The following LNX1 variants were observed in gnomAD, a reference collection of about 807,000 sequenced individuals.
LNX1 encodes E3 ubiquitin-protein ligase LNX.
Under a neutral mutation model 68.4 loss-of-function variants are expected in LNX1, and 54 were observed. The observed-to-expected ratio is 0.79, with a 90% confidence interval of 0.63 to 0.99. LNX1 has a LOEUF of 0.99. LNX1 is among the 50% of genes least tolerant of loss of function. The probability of loss-of-function intolerance (pLI) is 0.00; values close to 1 mark genes in which losing one functional copy is unlikely to be tolerated. For synonymous variants in LNX1, 336 were observed against 350.0 expected (o/e 0.96, Z 0.45); for missense variants, 906 against 926.4 (o/e 0.98, Z 0.29).
intron 1 of LNX1, among the ~76,000 whole-genome samples, chr4:53,641,490 A>G (rs1734680213): frequency 6.6e-6 from 1 of 152,234 alleles, no homozygotes; most frequent in South Asian, 2.1e-4. Context: ...AGAGAAATGG[A>G]CAAAATACCC....
intron 2 of LNX1, among the ~76,000 whole-genome samples, chr4:53,561,983 C>A (rs1250797465): frequency 6.6e-6 from 1 of 152,076 alleles, no homozygotes; most frequent in African/African-American, 2.4e-5. Context: ...TCCTATGAAA[C>A]AATTCACGTA....
intron 9 of LNX1, among the ~76,000 whole-genome samples, chr4:53,475,505 A>C (rs1327270084): frequency 6.6e-6 from 1 of 152,108 alleles, no homozygotes; most frequent in Non-Finnish European, 1.5e-5. Flanking sequence ...TTCTTAAAAA[A>C]CTCATTTGAA....
chr4:53,594,779 A>G (rs976008192), upstream of LNX1, among the ~76,000 whole-genome samples: 1 of 151,612 alleles, frequency 6.6e-6, no homozygotes, highest in Non-Finnish European at 1.5e-5. Context: ...TGGTGCCATC[A>G]TGGCTCACTG....
At chr4:53,493,852 A>C (rs1473196296) in intron 6 of LNX1, among the ~76,000 whole-genome samples, 11 of 152,138 alleles carry the variant, frequency 7.2e-5, no homozygotes, top group Admixed American at 5.9e-4. Flanking sequence ...TCAGCTCTCC[A>C]CTGACTTGAG....
intron 2 of LNX1, among the ~76,000 whole-genome samples, chr4:53,554,287 G>A (rs963585421): frequency 7.2e-5 from 11 of 152,124 alleles, no homozygotes; most frequent in African/African-American, 2.7e-4. Flanking sequence ...GCCAGTTCTG[G>A]GTCTGCTCTT....
Position 53,496,312 on chromosome 4 carries a change from G to A in LNX1, c.1061C>T (p.Thr354Ile), listed in dbSNP as rs1256649866. ...GCGGAACTTCTGTTCACGCATCACA[G>A]TCAGCCACAGCACCTGGCAGGGCTG... ...LRQPCQVLWL[T>I]VMREQKFRSR... The change falls in exon 6 of 11, where the codon ACT (threonine) becomes ATT (isoleucine). Residue 354 changes from threonine to isoleucine, a missense_variant. Physicochemically the swap from Thr to Ile is moderately conservative, Grantham distance 89. Coordinates refer to ENST00000263925, the MANE Select transcript of LNX1 (RefSeq NM_001126328.3). 6.2e-7 allele frequency: 1 copy of A among 1,614,066 alleles called. No homozygotes were observed. Among genetic ancestry groups the A allele is most frequent in the East Asian group, 2.2e-5 (1 of 44,892 alleles).
intron 6 of LNX1, among the ~76,000 whole-genome samples, chr4:53,492,951 T>C (rs1724803352): frequency 6.6e-6 from 1 of 152,090 alleles, no homozygotes; most frequent in South Asian, 2.1e-4. Flanking sequence ...ATAGATGGCA[T>C]ACACCTCAGA....
intron 1 of LNX1, among the ~76,000 whole-genome samples, chr4:53,623,669 T>C (rs971730871): frequency 5.9e-5 from 9 of 152,146 alleles, no homozygotes; most frequent in South Asian, 2.1e-4. Flanking sequence ...TGAAGTTATA[T>C]GGCTATGTTT....
At chr4:53,618,150 C>T (rs1733747031), upstream of LNX1, among the ~76,000 whole-genome samples, 1 of 152,122 alleles carries the variant, frequency 6.6e-6, no homozygotes, top group African/African-American at 2.4e-5. Context: ...AACTACTTTG[C>T]CTACCAAATA....
At chr4:53,588,609 C>T (rs551791511) in intron 1 of LNX1, among the ~76,000 whole-genome samples, 11 of 152,286 alleles carry the variant, frequency 7.2e-5, no homozygotes, top group African/African-American at 2.4e-4. Flanking sequence ...GACCTACCCA[C>T]CTGGACATGC....
chr4:53,463,169 A>G (rs1182338536), intron 9 of LNX1, among the ~76,000 whole-genome samples: 4 of 152,078 alleles, frequency 2.6e-5, no homozygotes, highest in African/African-American at 9.7e-5. Flanking sequence ...CATAACCATC[A>G]AAAATATTAC....
intron 2 of LNX1, among the ~76,000 whole-genome samples, chr4:53,560,301 A>C (rs1730195649): frequency 6.6e-6 from 1 of 152,230 alleles, no homozygotes; most frequent in African/African-American, 2.4e-5. Context: ...AAAAAGGATG[A>C]CTGCCCATTC....
rs59260730 is a variant in LNX1, at chr4:53,506,856, T to TAAAAAAAAAAAAAAAAAAAAAAAAAAAAA, written c.775+460_775+461insTTTTTTTTTTTTTTTTTTTTTTTTTTTTT. 2.6e-4 allele frequency among the ~76,000 whole-genome samples: 14 copies of TAAAAAAAAAAAAAAAAAAAAAAAAAAAAA among 54,204 alleles called. 1 individual carries two copies. The highest frequency in any genetic ancestry group is 4.2e-4 in the East Asian group (1 of 2,376). The allele number at this position is 54,204 out of a possible 152,430, so 35.6% of individuals were successfully genotyped here. On this transcript the variant is annotated intron_variant, in intron 4 of 10. Coordinates refer to ENST00000263925, the MANE Select transcript of LNX1 (RefSeq NM_001126328.3). The stretch of plus-strand genomic sequence containing the variant: ...CCTGGGCGACAAGCAAAACTCTGTC[T>TAAAAAAAAAAAAAAAAAAAAAAAAAAAAA]AAAAAAAAAAAAAAAAAAAGAGGAA...
upstream of LNX1, among the ~76,000 whole-genome samples, chr4:53,592,107 T>G (rs1211614058): frequency 6.6e-6 from 1 of 152,162 alleles, no homozygotes; most frequent in Non-Finnish European, 1.5e-5. Context: ...CCAGCATTTT[T>G]AATTCCATAT....
intron 2 of LNX1, among the ~76,000 whole-genome samples, chr4:53,546,661 C>T (rs1045258814): frequency 4.6e-5 from 7 of 152,130 alleles, no homozygotes; most frequent in African/African-American, 1.7e-4. Flanking sequence ...AGCTCTCCTT[C>T]GGCTCTCAAA....
rs1392166171 is a variant in LNX1, at chr4:53,478,634, C to A, written c.1594G>T (p.Asp532Tyr). Residue 532 changes from aspartate to tyrosine, a missense_variant, in exon 8 of 11, where the codon GAT (aspartate) becomes TAT (tyrosine). By Grantham distance (160) the Asp-to-Tyr change is radical. Coordinates refer to ENST00000263925, the MANE Select transcript of LNX1 (RefSeq NM_001126328.3). ...VAGGASHREW[D>Y]LPIYVISVEP... ...ACACTGATGACATAGATAGGCAAAT[C>A]CCATTCTCTATGTGATGCTCCCCCT... 1 of 1,613,950 alleles carries A rather than the reference C, an allele frequency of 6.2e-7. No homozygotes were observed. Among genetic ancestry groups the A allele is most frequent in the East Asian group, 2.2e-5 (1 of 44,890 alleles).
At chr4:53,532,295 G>A (rs1480161349) in intron 2 of LNX1, among the ~76,000 whole-genome samples, 1 of 152,078 alleles carries the variant, frequency 6.6e-6, no homozygotes, top group African/African-American at 2.4e-5. Flanking sequence ...GGTCAACATG[G>A]TGAAACCCCA....
rs1730665730 is a variant in LNX1 at position 53,566,084 on chromosome 4, A to T, written c.380+7539T>A. Among the ~76,000 whole-genome samples, 3 of 151,798 alleles carry T rather than the reference A, an allele frequency of 2.0e-5. 1 individual carries two copies. The South Asian group carries it at 6.2e-4, about 32-fold the overall frequency. On this transcript the variant is annotated intron_variant, in intron 2 of 10. Coordinates refer to ENST00000263925, the MANE Select transcript of LNX1 (RefSeq NM_001126328.3). Reference sequence around the variant, plus strand: ...GTTGGAAAACACTCTGCAGGATATTATCCAGGAGAACTTCCCCAATCTAGC... The same window carrying T: ...GTTGGAAAACACTCTGCAGGATATTTTCCAGGAGAACTTCCCCAATCTAGC...
intron 2 of LNX1, among the ~76,000 whole-genome samples, chr4:53,534,844 C>G (rs540922165): frequency 5.9e-5 from 9 of 152,338 alleles, no homozygotes; most frequent in Admixed American, 5.2e-4. Context: ...ACTGCTATGT[C>G]TGGGGACCTT....
Sources: gnomAD v4.1 joint callset for allele counts (sites outside exome capture counted in the v4.1 genomes callset) on GRCh38, gnomAD v4.1.1 for gene constraint, MANE v1.5 for transcripts, NCBI Gene and HGNC (gene_info 2026-07-23, HGNC 2026-07-21) for gene names.